Variants in AGBL4 observed in about 807,000 individuals in gnomAD.
AGBL4 encodes the protein AGBL carboxypeptidase 4, also known as cytosolic carboxypeptidase 6.
A neutral mutation model predicts 66.4 loss-of-function variants in AGBL4; 58 were observed. The ratio of observed to expected loss-of-function variants is 0.87; its 90% confidence interval spans 0.71 to 1.09. AGBL4 has a LOEUF of 1.09. Among genes scored for constraint, AGBL4 ranks in the 50% least tolerant of loss-of-function variants. The probability of loss-of-function intolerance (pLI) is 0.00; values close to 1 mark genes in which losing one functional copy is unlikely to be tolerated. For missense variants in AGBL4, 579 were observed against 631.0 expected (o/e 0.92, Z 0.88); for synonymous variants, 234 against 222.9 (o/e 1.05, Z -0.44).
chr1:48,897,330 C>T (rs1371904318), intron 5 of AGBL4, among the ~76,000 whole-genome samples: 3 of 152,234 alleles, frequency 2.0e-5, no homozygotes, highest in East Asian at 1.9e-4. Context: ...TTTTTATGGC[C>T]GATTAATATT....
intron 1 of AGBL4, among the ~76,000 whole-genome samples, chr1:49,947,832 G>C (rs1030792357): frequency 1.4e-5 from 2 of 146,780 alleles, no homozygotes; most frequent in South Asian, 2.1e-4. Context: ...ACTGATAAAA[G>C]ACTTCTTAAA....
chr1:48,604,618 T>TA (rs1013307535), intron 9 of AGBL4, among the ~76,000 whole-genome samples: 38 of 151,802 alleles, frequency 2.5e-4, no homozygotes, highest in Admixed American at 3.9e-4. Context: ...GGTTTTTTTT[T>TA]AAAAAAAATT....
chr1:48,932,872 C>T (rs553082437), intron 5 of AGBL4, among the ~76,000 whole-genome samples: 3 of 151,954 alleles, frequency 2.0e-5, no homozygotes, highest in Non-Finnish European at 2.9e-5. Context: ...ACCAACTAAC[C>T]GGAAACAATG....
chr1:49,083,421 C>T (rs888871094), intron 4 of AGBL4, among the ~76,000 whole-genome samples: 1 of 152,220 alleles, frequency 6.6e-6, no homozygotes, highest in African/African-American at 2.4e-5. Context: ...TTGACTTCTG[C>T]ACACCTGCAG....
chr1:48,966,495 A>C (rs1366631783), intron 5 of AGBL4, among the ~76,000 whole-genome samples: 8 of 152,120 alleles, frequency 5.3e-5, no homozygotes, highest in Non-Finnish European at 8.8e-5. Flanking sequence ...AATCCATACA[A>C]ACAGTCATTG....
Position 48,602,262 on chromosome 1 carries a change from C to T in AGBL4, c.952-11277G>A, listed in dbSNP as rs185878359. ...ATCTTGGCTCTCTACTAAGCTGCTA[C>T]GTGACCCTGGAGAAGTCCTTCTCTC... On this transcript the variant is annotated intron_variant, in intron 9 of 13. Transcript: ENST00000371839. Among the ~76,000 whole-genome samples the T allele has an allele frequency of 6.0e-4, 92 of 152,270 alleles. 1 individual carries two copies. Among genetic ancestry groups the T allele is most frequent in the African/African-American group, 2.1e-3 (86 of 41,556 alleles).
At chr1:48,798,821 G>C (rs1281850977) in intron 6 of AGBL4, among the ~76,000 whole-genome samples, 1 of 152,064 alleles carries the variant, frequency 6.6e-6, no homozygotes, top group East Asian at 1.9e-4. Flanking sequence ...AAGATCAGTT[G>C]GCTATAAGTT....
intron 8 of AGBL4, among the ~76,000 whole-genome samples, chr1:48,638,326 G>A (rs926107810): frequency 2.0e-5 from 3 of 152,200 alleles, no homozygotes; most frequent in African/African-American, 7.2e-5. Context: ...TTCTGGCTGT[G>A]TTCCTCACCA....
At chr1:49,155,433 C>T (rs1482960221) in intron 4 of AGBL4, among the ~76,000 whole-genome samples, 1 of 152,112 alleles carries the variant, frequency 6.6e-6, no homozygotes, top group Non-Finnish European at 1.5e-5. Context: ...TTAATTATCA[C>T]AACAATCCTT....
chr1:48,922,152 A>C (rs1654136509), intron 5 of AGBL4, among the ~76,000 whole-genome samples: 1 of 152,184 alleles, frequency 6.6e-6, no homozygotes, highest in African/African-American at 2.4e-5. Flanking sequence ...AATGAAGCCA[A>C]GGTGTCTGCT....
At chr1:48,770,192 T>C (rs1014573050) in intron 6 of AGBL4, among the ~76,000 whole-genome samples, 9 of 152,340 alleles carry the variant, frequency 5.9e-5, no homozygotes, top group Middle Eastern at 3.4e-3. Context: ...GGTGCAAAAC[T>C]GAGAAAATGA....
At chr1:48,589,912 G>A (rs1191716014) in intron 10 of AGBL4, among the ~76,000 whole-genome samples, 1 of 152,150 alleles carries the variant, frequency 6.6e-6, no homozygotes, top group Non-Finnish European at 1.5e-5. Flanking sequence ...CATGTGGTAG[G>A]TGCTCAGTGA....
intron 1 of AGBL4, among the ~76,000 whole-genome samples, chr1:49,880,581 T>G (rs373616881): frequency 6.6e-6 from 1 of 151,574 alleles, no homozygotes; most frequent in Non-Finnish European, 1.5e-5. Flanking sequence ...GACAGGGACA[T>G]TTAAGTCTGC....
chr1:49,804,756 C>G (rs1157771174), intron 2 of AGBL4, among the ~76,000 whole-genome samples: 6 of 152,080 alleles, frequency 3.9e-5, no homozygotes, highest in Non-Finnish European at 5.9e-5. Flanking sequence ...GAGATAGAAA[C>G]CTATTAATAC....
chr1:49,556,169 C>T (rs1653427518), intron 3 of AGBL4, among the ~76,000 whole-genome samples: 1 of 152,078 alleles, frequency 6.6e-6, no homozygotes, highest in Non-Finnish European at 1.5e-5. Flanking sequence ...GAAAATGTGG[C>T]ACATATACAC....
At chr1:49,791,398 A>AATAGCCC (rs1413855281) in intron 2 of AGBL4, among the ~76,000 whole-genome samples, 1 of 152,052 alleles carries the variant, frequency 6.6e-6, no homozygotes, top group African/African-American at 2.4e-5. Context: ...GTTCAATTCT[A>AATAGCCC]ATAGCCCATT....
intron 9 of AGBL4, among the ~76,000 whole-genome samples, chr1:48,602,818 T>C (rs1645093675): frequency 6.6e-6 from 1 of 152,182 alleles, no homozygotes. Flanking sequence ...ATCTTGCCCC[T>C]TTTCTCTTCT....
In AGBL4 at chr1:49,586,595, G is replaced by A. The variant is rs115105071; in HGVS notation, c.282+110718C>T. ...ACAATTAGATAAAAGAGGATATCCT[G>A]CTCAGCATGAACATAGTATCTAGCA... On this transcript the variant is annotated intron_variant, in intron 3 of 13. Coordinates refer to ENST00000371839, the MANE Select transcript of AGBL4 (RefSeq NM_032785.4). 6.3e-3 allele frequency among the ~76,000 whole-genome samples: 960 copies of A among 152,202 alleles called. 5 individuals are homozygous for A. The highest frequency in any genetic ancestry group is 0.012 in the South Asian group (60 of 4,816).
At chr1:49,114,961 T>C (rs569168299) in intron 4 of AGBL4, among the ~76,000 whole-genome samples, 1 of 152,154 alleles carries the variant, frequency 6.6e-6, no homozygotes, top group Admixed American at 6.6e-5. Context: ...ATTACCAAGA[T>C]GTGACACAGA....
Sources: gnomAD v4.1 joint callset for allele counts (sites outside exome capture counted in the v4.1 genomes callset) on GRCh38, gnomAD v4.1.1 for gene constraint, MANE v1.5 for transcripts, NCBI Gene and HGNC (gene_info 2026-07-23, HGNC 2026-07-21) for gene names.